The following TEK variants were observed in gnomAD, a reference collection of about 807,000 sequenced individuals.
The protein encoded by TEK is angiopoietin-1 receptor.
In TEK, 43 loss-of-function variants were observed where a neutral mutation model predicts 131.8. The observed-to-expected ratio is 0.33, with a 90% CI of 0.26 to 0.42. TEK has a LOEUF of 0.42. TEK is among the 10% of genes least tolerant of loss of function. The pLI is 1.00. For missense variants in TEK, 1,162 were observed against 1,384.4 expected, an observed-to-expected ratio of 0.84 and a Z score of 2.55; for synonymous variants, 580 against 491.6, an observed-to-expected ratio of 1.18 and a Z score of -2.38.
chr9:27,224,984 C>G (rs920274416), intron 21 of TEK, among the ~76,000 whole-genome samples: 3 of 152,130 alleles, frequency 2.0e-5, no homozygotes, highest in African/African-American at 4.8e-5. Context: ...GAGAGCCAAA[C>G]CATGAGTGAA....
chr9:27,181,496 T>G (rs1197632230), intron 7 of TEK, among the ~76,000 whole-genome samples: 1 of 152,248 alleles, frequency 6.6e-6, no homozygotes, highest in East Asian at 1.9e-4. Flanking sequence ...CAAGATTGTA[T>G]AATACGTCGT....
chr9:27,219,073 G>A (rs1825940872), intron 20 of TEK, among the ~76,000 whole-genome samples: 1 of 152,180 alleles, frequency 6.6e-6, no homozygotes, highest in Non-Finnish European at 1.5e-5. Context: ...TGTACAAGTT[G>A]CCAGGTTAAC....
rs536961772 is a variant in TEK at position 27,180,429 on chromosome 9, A to G, written c.1030+61A>G. ...CAGCATGTCTGAACTGAGCTTTGGT[A>G]GTGTAATTCTTGTGCCGGCATTCTA... On this transcript the variant is annotated intron_variant, in intron 7 of 22. Transcript: ENST00000380036. 8.6e-5 allele frequency: 135 copies of G among 1,578,836 alleles called. No individual in the cohort carries two copies. The African/African-American group carries it at 1.6e-3, about 19-fold the overall frequency.
At chr9:27,198,681 A>G (rs1258058713) in intron 12 of TEK, among the ~76,000 whole-genome samples, 1 of 152,246 alleles carries the variant, frequency 6.6e-6, no homozygotes, top group Non-Finnish European at 1.5e-5. Context: ...GACTTATGTA[A>G]TAACCCACTA....
rs111745033 is a variant in TEK, at chr9:27,219,371, G to A, written c.3103+554G>A. On this transcript the variant is annotated intron_variant, in intron 20 of 22. Coordinates refer to ENST00000380036, the MANE Select transcript of TEK (RefSeq NM_000459.5). ...ATGAAGCTAGAAACCATCATCCTCA[G>A]TAAACTAACACAGGAATAGAAAACC... Among the ~76,000 whole-genome samples, 47 of 152,244 alleles carry A rather than the reference G, an allele frequency of 3.1e-4. 1 individual carries two copies. The highest frequency in any genetic ancestry group is 1.1e-3 in the African/African-American group (44 of 41,546).
At chr9:27,133,835 G>A (rs1822317147) in intron 1 of TEK, among the ~76,000 whole-genome samples, 1 of 152,094 alleles carries the variant, frequency 6.6e-6, no homozygotes, top group South Asian at 2.1e-4. Context: ...TATTTAATTT[G>A]GTAAAACGAT....
chr9:27,181,273 C>A (rs953206012), intron 7 of TEK, among the ~76,000 whole-genome samples: 14 of 152,136 alleles, frequency 9.2e-5, no homozygotes, highest in South Asian at 4.2e-4. Context: ...CATGACATAC[C>A]TTTTTCTTAA....
intron 18 of TEK, 60 bp from the exon 19 acceptor site, chr9:27,217,628 G>T: frequency 6.7e-7 from 1 of 1,494,636 alleles, no homozygotes; most frequent in Non-Finnish European, 9.3e-7. Flanking sequence ...GCTCAGGCAG[G>T]CTGAGAGCCT....
chr9:27,173,269 G>A lies in TEK; in HGVS notation c.808G>A (p.Gly270Arg). ...CAGAACTTGTAAAGAAAGGTGCAGTGGACAAGAGGGATGCAAGTCTTATGT... is the reference window on the plus strand; with the variant it reads ...CAGAACTTGTAAAGAAAGGTGCAGTAGACAAGAGGGATGCAAGTCTTATGT... ...FGRTCKERCSGQEGCKSYVFC... is the reference protein window; with the variant it reads ...FGRTCKERCSRQEGCKSYVFC... Residue 270 changes from glycine (G) to arginine (R), a missense_variant, in exon 6 of 23, where the codon GGA becomes AGA. By Grantham distance (125) the Gly-to-Arg change is moderately radical (BLOSUM62 -2). Coordinates refer to ENST00000380036, the MANE Select transcript of TEK (RefSeq NM_000459.5). 1 of 1,614,088 alleles carries A rather than the reference G, an allele frequency of 6.2e-7. No individual in the cohort carries two copies. The highest frequency in any genetic ancestry group is 2.2e-5 in the East Asian group (1 of 44,874).
chr9:27,143,191 G>T (rs969622548), intron 1 of TEK, among the ~76,000 whole-genome samples: 3 of 152,210 alleles, frequency 2.0e-5, no homozygotes, highest in South Asian at 4.1e-4. Context: ...AAAAGCACCA[G>T]GGGAGGGAGC....
intron 1 of TEK, among the ~76,000 whole-genome samples, chr9:27,131,628 A>G (rs1232467768): frequency 6.6e-6 from 1 of 151,446 alleles, no homozygotes; most frequent in Non-Finnish European, 1.5e-5. Flanking sequence ...TGGGTAACAT[A>G]AGGAGACCCC....
Position 27,212,704 on chromosome 9 carries a change from C to A in TEK, c.2687-3C>A, listed in dbSNP as rs1825680843. The A allele has an allele frequency of 1.9e-6, 3 of 1,613,990 alleles. No individual in the cohort carries two copies. Among genetic ancestry groups the A allele is most frequent in the African/African-American group, 2.7e-5 (2 of 74,930 alleles). On this transcript the variant is annotated splice_region_variant and splice_polypyrimidine_tract_variant and intron_variant, in intron 16 of 22. Coordinates refer to ENST00000380036, the MANE Select transcript of TEK (RefSeq NM_000459.5). The stretch of plus-strand genomic sequence containing the variant: ...GAGTCGATGCTCTCTTCCTTCCCTC[C>A]AGGCTACTTGTACCTGGCCATTGAG...
intron 20 of TEK, among the ~76,000 whole-genome samples, chr9:27,219,519 G>A (rs1352199874): frequency 2.0e-5 from 3 of 152,028 alleles, no homozygotes; most frequent in African/African-American, 7.2e-5. Flanking sequence ...GAGAGCATTA[G>A]GACAAATACC....
At chr9:27,136,048 C>T (rs748179963) in intron 1 of TEK, among the ~76,000 whole-genome samples, 13 of 151,390 alleles carry the variant, frequency 8.6e-5, no homozygotes, top group Non-Finnish European at 1.9e-4. Flanking sequence ...TTCAAATGCC[C>T]TCTACGAGGT....
chr9:27,179,815 G>C (rs1439870099), intron 6 of TEK, among the ~76,000 whole-genome samples: 4 of 152,072 alleles, frequency 2.6e-5, no homozygotes, highest in Admixed American at 1.3e-4. Context: ...GATGCATCAG[G>C]CCAGTAGACT....
intron 1 of TEK, among the ~76,000 whole-genome samples, chr9:27,155,235 T>G (rs1363201636): frequency 6.6e-6 from 1 of 152,188 alleles, no homozygotes. Context: ...GCTGGTGTTA[T>G]TTTTGGAGGC....
chr9:27,167,526 C>A (rs1418430578), intron 2 of TEK, among the ~76,000 whole-genome samples: 1 of 152,166 alleles, frequency 6.6e-6, no homozygotes, highest in African/African-American at 2.4e-5. Flanking sequence ...CTGTGCCTGG[C>A]CTTGGCTTAT....
chr9:27,188,883 G>A (rs1824700708), intron 9 of TEK, among the ~76,000 whole-genome samples: 1 of 152,096 alleles, frequency 6.6e-6, no homozygotes, highest in African/African-American at 2.4e-5. Flanking sequence ...GAGTGTCTTG[G>A]AGAAAATTAA....
chr9:27,222,417 T>A lies in TEK; in HGVS notation c.3200+2272T>A, dbSNP rs114902838. On this transcript the variant is annotated intron_variant, in intron 21 of 22. Transcript: ENST00000380036. ...ACCCCAAGACACATAAATCGTTAGA[T>A]TCACCAAGGTTGAAATGAAAGAAAA... Among the ~76,000 whole-genome samples, 1,454 of 152,116 alleles carry A rather than the reference T, an allele frequency of 9.6e-3. 28 individuals are homozygous for A. The highest frequency in any genetic ancestry group is 0.033 in the African/African-American group (1,374 of 41,454).
Sources: gnomAD v4.1 joint callset for allele counts (sites outside exome capture counted in the v4.1 genomes callset) on GRCh38, gnomAD v4.1.1 for gene constraint, MANE v1.5 for transcripts, NCBI Gene and HGNC (gene_info 2026-07-23, HGNC 2026-07-21) for gene names.